The following TSNARE1 variants were observed in gnomAD, a reference collection of about 807,000 sequenced individuals.
TSNARE1 encodes t-SNARE domain-containing protein 1.
TSNARE1 carries 49 observed loss-of-function variants against 62.0 expected under a neutral mutation model. That is an observed-to-expected ratio of 0.79 (90% CI 0.63 to 1.00). The LOEUF (loss-of-function observed/expected upper bound fraction) is 1.00, where lower values mean the gene tolerates loss of function less well. Ranked by LOEUF, TSNARE1 falls within the 50% of genes least tolerant of loss-of-function variation. The pLI, the probability that TSNARE1 is intolerant of heterozygous loss-of-function variation, is 0.00. For missense variants in TSNARE1, 755 were observed against 700.1 expected (o/e 1.08, Z -0.88); for synonymous variants, 328 against 294.4 (o/e 1.11, Z -1.17).
chr8:142,301,802 C>T (rs984783382), intron 9 of TSNARE1, among the ~76,000 whole-genome samples: 1 of 152,028 alleles, frequency 6.6e-6, no homozygotes, highest in Non-Finnish European at 1.5e-5. Context: ...TTCCTGAAAA[C>T]CCTGCAGGGA....
chr8:142,264,815 T>G, intron 12 of TSNARE1, among the ~76,000 whole-genome samples: 1 of 152,322 alleles, frequency 6.6e-6, no homozygotes, highest in African/African-American at 2.4e-5. Context: ...TTGTCAATAG[T>G]AAAGGTGTTA....
At chr8:142,337,914 C>T (rs1216831191) in intron 4 of TSNARE1, among the ~76,000 whole-genome samples, 1 of 152,202 alleles carries the variant, frequency 6.6e-6, no homozygotes, top group African/African-American at 2.4e-5. Context: ...CTTCACAGGC[C>T]GTTAGCAACA....
At chr8:142,337,888 C>A (rs1166431592) in intron 4 of TSNARE1, among the ~76,000 whole-genome samples, 1 of 152,222 alleles carries the variant, frequency 6.6e-6, no homozygotes, top group Non-Finnish European at 1.5e-5. Context: ...GACGGCCACC[C>A]AGCTGAAGAC....
chr8:142,356,485 G>C (rs1449965858), intron 1 of TSNARE1, among the ~76,000 whole-genome samples: 1 of 152,220 alleles, frequency 6.6e-6, no homozygotes, highest in Non-Finnish European at 1.5e-5. Flanking sequence ...GTGAGAGGCA[G>C]GTCTCAACGC....
intron 1 of TSNARE1, among the ~76,000 whole-genome samples, chr8:142,394,877 C>T (rs1270911725): frequency 3.3e-5 from 5 of 152,186 alleles, no homozygotes; most frequent in Admixed American, 1.3e-4. Flanking sequence ...GCTGTGCCTG[C>T]GCCCTGGGGA....
At chr8:142,373,845 G>A (rs768355492) in intron 1 of TSNARE1, among the ~76,000 whole-genome samples, 2 of 152,172 alleles carry the variant, frequency 1.3e-5, no homozygotes, top group Non-Finnish European at 2.9e-5. Context: ...GCGGGGAAGC[G>A]GGGAGAGGGA....
At chr8:142,220,457 T>C (rs191440523) in intron 13 of TSNARE1, among the ~76,000 whole-genome samples, 36 of 152,084 alleles carry the variant, frequency 2.4e-4, no homozygotes, top group Admixed American at 2.0e-3. Context: ...GAGATCTTGA[T>C]GGAGAAGCCT....
chr8:142,320,905 G>T (rs1049849753), intron 6 of TSNARE1, among the ~76,000 whole-genome samples: 5 of 152,230 alleles, frequency 3.3e-5, no homozygotes, highest in Non-Finnish European at 5.9e-5. Flanking sequence ...AGCCATTAGT[G>T]CTGGAACGAA....
At chr8:142,270,211 G>A in intron 12 of TSNARE1, 2 of 985,302 alleles carry the variant, frequency 2.0e-6, no homozygotes, top group Non-Finnish European at 2.4e-6. Flanking sequence ...AGATGTGGCA[G>A]CCCCGCCAAG....
At chr8:142,301,220 G>A (rs1205954568) in intron 9 of TSNARE1, among the ~76,000 whole-genome samples, 1 of 95,582 alleles carries the variant, frequency 1.0e-5, no homozygotes, top group East Asian at 3.0e-4. Flanking sequence ...CCCGGCCACA[G>A]TGCCCCCCAC....
chr8:142,233,386 G>A (rs547986926), intron 12 of TSNARE1, among the ~76,000 whole-genome samples: 28 of 152,248 alleles, frequency 1.8e-4, no homozygotes, highest in African/African-American at 6.5e-4. Context: ...TTCGTGCTGG[G>A]GAAGCCTGGC....
intron 9 of TSNARE1, among the ~76,000 whole-genome samples, chr8:142,311,720 T>A (rs1487486001): frequency 6.6e-6 from 1 of 152,188 alleles, no homozygotes; most frequent in Non-Finnish European, 1.5e-5. Flanking sequence ...TTCTATCCAT[T>A]TTCTCTCTCT....
chr8:142,298,462 G>A (rs1825132521), intron 10 of TSNARE1, among the ~76,000 whole-genome samples: 1 of 152,122 alleles, frequency 6.6e-6, no homozygotes, highest in South Asian at 2.1e-4. Flanking sequence ...TCCCAGGCCA[G>A]GACAGTGAGA....
In TSNARE1 at chr8:142,353,217, T is replaced by C. The variant is rs547730565; in HGVS notation, c.88+1420A>G. On this transcript the variant is annotated intron_variant, in intron 2 of 13. Coordinates refer to ENST00000524325, the MANE Select transcript of TSNARE1 (RefSeq NM_145003.5). Reference sequence around the variant, plus strand: ...CCTCTGGGCTGGCAGTCCTAGTCCCTGCTGGGTCATTTCCTTCCTAGCACT... The same window carrying C: ...CCTCTGGGCTGGCAGTCCTAGTCCCCGCTGGGTCATTTCCTTCCTAGCACT... Among the ~76,000 whole-genome samples the C allele has an allele frequency of 2.0e-5, 3 of 152,240 alleles. No individual in the cohort carries two copies. The South Asian group carries it at 6.2e-4, about 32-fold the overall frequency.
At chr8:142,332,700 C>T (rs559792754) in intron 4 of TSNARE1, among the ~76,000 whole-genome samples, 24 of 152,298 alleles carry the variant, frequency 1.6e-4, no homozygotes, top group African/African-American at 5.5e-4. Flanking sequence ...GCAGGCTGCA[C>T]ACACTCGCCC....
chr8:142,404,938 C>A (rs1838552683), upstream of TSNARE1: 1 of 152,354 alleles, frequency 6.6e-6, no homozygotes, highest in African/African-American at 2.4e-5. Flanking sequence ...AGACCACCTC[C>A]AGGAGCCGCT....
intron 12 of TSNARE1, among the ~76,000 whole-genome samples, chr8:142,267,260 A>G (rs1395288506): frequency 6.6e-6 from 1 of 152,178 alleles, no homozygotes; most frequent in Non-Finnish European, 1.5e-5. Flanking sequence ...TGGGTATCCC[A>G]AAGGCCTGAC....
At position 142,221,833 on chromosome 8, in the gene TSNARE1, TCA is replaced by T. The variant is rs1454554039; in HGVS notation, c.*11+7638_*11+7639del. Among the ~76,000 whole-genome samples the T allele has an allele frequency of 5.4e-4, 29 of 53,564 alleles. 2 individuals are homozygous for T. The highest frequency in any genetic ancestry group is 1.6e-3 in the East Asian group (3 of 1,910). The allele number at this position is 53,564 out of a possible 152,430, so 35.1% of individuals were successfully genotyped here. On this transcript the variant is annotated intron_variant, in intron 13 of 13. Coordinates refer to ENST00000524325, the MANE Select transcript of TSNARE1 (RefSeq NM_145003.5). ...TCCACTCACTCATTCACTCACTCAC[TCA>T]TCCACTCATTCACTCACTCATCCAC...
At chr8:142,283,523 TG>T in intron 11 of TSNARE1, among the ~76,000 whole-genome samples, 1 of 134,904 alleles carries the variant, frequency 7.4e-6, no homozygotes, top group Non-Finnish European at 1.5e-5. Context: ...TGTCTGTCAA[TG>T]AGCAGAGGCG....
Sources: allele counts gnomAD v4.1 joint callset (sites outside exome capture counted in the v4.1 genomes callset), GRCh38; gene constraint gnomAD v4.1.1; transcripts MANE v1.5; gene names NCBI Gene and HGNC (gene_info 2026-07-23, HGNC 2026-07-21).